NFX1: variants seen among roughly 807,000 people sequenced by gnomAD.
NFX1 encodes the protein transcriptional repressor NF-X1.
In NFX1, 69 loss-of-function variants were observed where a neutral mutation model predicts 137.2. The observed-to-expected ratio is 0.50, with a 90% CI of 0.41 to 0.61. NFX1 has a LOEUF of 0.61. Ranked by LOEUF, NFX1 falls within the 20% of genes least tolerant of loss-of-function variation. The pLI is 0.00. For missense variants in NFX1, 1,167 were observed against 1,391.0 expected (o/e 0.84, Z 2.56); for synonymous variants, 495 against 474.1 (o/e 1.04, Z -0.57).
rs1419780939 is a variant in NFX1, at chr9:33,342,815, C to T, written c.2185C>T (p.Pro729Ser). The T allele has an allele frequency of 6.2e-7, 1 of 1,613,662 alleles. No homozygotes were observed. Among genetic ancestry groups the T allele is most frequent in the East Asian group, 2.2e-5 (1 of 44,874 alleles). Residue 729 changes from proline (P) to serine (S), a missense_variant, in exon 13 of 24, where the codon CCT becomes TCT. Physicochemically the swap from Pro to Ser is moderately conservative, Grantham distance 74. Coordinates refer to ENST00000379540, the MANE Select transcript of NFX1 (RefSeq NM_002504.6). ...TTGTGGCCTTCATAGGTGTGAAGAACCTTGTCATCGTGGAAACTGCCAGAC... is the reference window on the plus strand; with the variant it reads ...TTGTGGCCTTCATAGGTGTGAAGAATCTTGTCATCGTGGAAACTGCCAGAC... Reference protein sequence around the residue: ...LRCGLHRCEEPCHRGNCQTCW... With the variant: ...LRCGLHRCEESCHRGNCQTCW...
chr9:33,303,721 C>T (rs935202783), intron 4 of NFX1, among the ~76,000 whole-genome samples: 1 of 152,206 alleles, frequency 6.6e-6, no homozygotes, highest in East Asian at 1.9e-4. Context: ...CATCTTCCCT[C>T]TTTATGGAAT....
rs769195607 is a variant in NFX1 at position 33,342,808 on chromosome 9, T to C, written c.2178T>C (p.Cys726=). ...GRKLRCGLHR[C]EEPCHRGNCQ... The stretch of plus-strand genomic sequence containing the variant: ...AACTCCGTTGTGGCCTTCATAGGTG[T>C]GAAGAACCTTGTCATCGTGGAAACT... Residue 726 remains cysteine (C), a synonymous_variant, in exon 13 of 24, where the codon TGT becomes TGC. Coordinates refer to ENST00000379540, the MANE Select transcript of NFX1 (RefSeq NM_002504.6). 1 of 1,613,854 alleles carries C rather than the reference T, an allele frequency of 6.2e-7. No individual in the cohort carries two copies. Among genetic ancestry groups the C allele is most frequent in the South Asian group, 1.1e-5 (1 of 90,946 alleles).
Position 33,295,336 on chromosome 9 carries a change from A to G in NFX1, c.942A>G (p.Lys314=). The G allele has an allele frequency of 6.2e-7, 1 of 1,614,178 alleles. No homozygotes were observed. The highest frequency in any genetic ancestry group is 8.5e-7 in the Non-Finnish European group (1 of 1,180,036). The change falls in exon 2 of 24, where the codon AAA becomes AAG. Residue 314 remains lysine, a synonymous_variant. Coordinates refer to ENST00000379540, the MANE Select transcript of NFX1 (RefSeq NM_002504.6). Reference sequence around the variant, plus strand: ...CTTCCAGGAGGGTTGACCAAGAGAAATGCACTGTACGGAGGCAGGATCCTC... The same window carrying G: ...CTTCCAGGAGGGTTGACCAAGAGAAGTGCACTGTACGGAGGCAGGATCCTC... ...NKSSRRVDQE[K]CTVRRQDPQV...
intron 11 of NFX1, among the ~76,000 whole-genome samples, chr9:33,338,062 GA>G (rs1459846204): frequency 7.1e-6 from 1 of 141,044 alleles, no homozygotes; most frequent in Non-Finnish European, 1.6e-5. Context: ...AAAAAAAAAA[GA>G]AAGCAAAAAG....
intron 5 of NFX1, among the ~76,000 whole-genome samples, chr9:33,309,226 G>A (rs1371276465): frequency 6.6e-6 from 1 of 151,910 alleles, no homozygotes; most frequent in East Asian, 1.9e-4. Flanking sequence ...GTGTGGTGGT[G>A]GGCACCTGTA....
intron 6 of NFX1, among the ~76,000 whole-genome samples, chr9:33,311,920 G>A (rs1468994080): frequency 6.6e-6 from 1 of 152,140 alleles, no homozygotes; most frequent in Non-Finnish European, 1.5e-5. Flanking sequence ...GCCTAAGGAG[G>A]CTGGGACCAG....
chr9:33,299,230 CA>C (rs1057160864), intron 2 of NFX1, among the ~76,000 whole-genome samples: 1 of 152,158 alleles, frequency 6.6e-6, no homozygotes, highest in African/African-American at 2.4e-5. Flanking sequence ...ATTCAGATTT[CA>C]CCAGTTTTTC....
rs79679085 is a variant in NFX1 at position 33,347,485 on chromosome 9, T to A, written c.2424+368T>A. ...TACTTTAAAATACCAAATTTTTTTT[T>A]AATAACCTCCTTATTCCTGCAAGAA... On this transcript the variant is annotated intron_variant, in intron 15 of 23. Coordinates refer to ENST00000379540, the MANE Select transcript of NFX1 (RefSeq NM_002504.6). Among the ~76,000 whole-genome samples, 487 of 152,310 alleles carry A rather than the reference T, an allele frequency of 3.2e-3. 9 individuals are homozygous for A. In the East Asian group the frequency reaches 0.038, roughly 12 times the overall value.
At chr9:33,292,325 A>G (rs954553382) in intron 1 of NFX1, among the ~76,000 whole-genome samples, 9 of 152,136 alleles carry the variant, frequency 5.9e-5, no homozygotes, top group Admixed American at 5.9e-4. Flanking sequence ...CTCATCATCA[A>G]AGTCTTTAAA....
chr9:33,359,823 A>G (rs1313939823), intron 19 of NFX1, among the ~76,000 whole-genome samples: 1 of 152,240 alleles, frequency 6.6e-6, no homozygotes, highest in Non-Finnish European at 1.5e-5. Context: ...GGTGAAGGTT[A>G]TATAGAAGTT....
intron 1 of NFX1, among the ~76,000 whole-genome samples, 168 bp downstream of exon 1, chr9:33,290,765 G>A (rs937178111): frequency 1.3e-5 from 2 of 152,256 alleles, no homozygotes; most frequent in African/African-American, 4.8e-5. Context: ...ACGAAGATCT[G>A]TGTCTTCTTG....
At chr9:33,339,507 G>T (rs1823139585) in intron 12 of NFX1, among the ~76,000 whole-genome samples, 1 of 152,036 alleles carries the variant, frequency 6.6e-6, no homozygotes, top group Non-Finnish European at 1.5e-5. Context: ...ATTTGGGTGG[G>T]GACACAGCCA....
At chr9:33,322,165 C>T (rs1587839916) in intron 9 of NFX1, among the ~76,000 whole-genome samples, 1 of 150,006 alleles carries the variant, frequency 6.7e-6, no homozygotes, top group Non-Finnish European at 1.5e-5. Flanking sequence ...CATGCCACTG[C>T]ACTCCAGCCT....
chr9:33,355,936 C>T (rs971054933), intron 19 of NFX1, among the ~76,000 whole-genome samples: 1 of 152,156 alleles, frequency 6.6e-6, no homozygotes, highest in Non-Finnish European at 1.5e-5. Flanking sequence ...TGAGCCACCA[C>T]GCCCAGCCCA....
intron 2 of NFX1, among the ~76,000 whole-genome samples, chr9:33,295,708 G>A (rs1326687297): frequency 7.2e-5 from 11 of 152,164 alleles, no homozygotes; most frequent in Admixed American, 7.2e-4. Flanking sequence ...TGCAAATACG[G>A]GTGGTGTAGA....
Position 33,369,844 on chromosome 9 carries a change from G to A in NFX1, c.3291-62G>A, listed in dbSNP as rs924252617. 7 of 1,162,898 alleles carry A rather than the reference G, an allele frequency of 6.0e-6. No individual in the cohort carries two copies. In the African/African-American group the frequency reaches 7.6e-5, roughly 13 times the overall value. The allele number at this position is 1,162,898 out of a possible 1,614,324, so 72.0% of individuals were successfully genotyped here. ...TAAATCAGCTGATCCTTAACTTTCT[G>A]AAGTCCTGTATCTGTTTCCCCCAAA... On this transcript the variant is annotated intron_variant, in intron 23 of 23. Coordinates refer to ENST00000379540, the MANE Select transcript of NFX1 (RefSeq NM_002504.6).
intron 15 of NFX1, among the ~76,000 whole-genome samples, chr9:33,350,022 G>C (rs1157111420): frequency 6.6e-6 from 1 of 151,972 alleles, no homozygotes; most frequent in Admixed American, 6.6e-5. Flanking sequence ...AAACAAAACA[G>C]GCCAGGCGTG....
chr9:33,290,547 G>A lies in NFX1; in HGVS notation c.-26G>A. The A allele has an allele frequency of 6.2e-7, 1 of 1,613,920 alleles. No individual in the cohort carries two copies. The highest frequency in any genetic ancestry group is 8.5e-7 in the Non-Finnish European group (1 of 1,179,952). ...GTGACAGTGCTGACTTGGCTGTACAGCTCGATCTAGGTTCTGCGGCACGGG... is the reference window on the plus strand; with the variant it reads ...GTGACAGTGCTGACTTGGCTGTACAACTCGATCTAGGTTCTGCGGCACGGG... On this transcript the variant is annotated 5_prime_UTR_variant, in exon 1 of 24. Coordinates refer to ENST00000379540, the MANE Select transcript of NFX1 (RefSeq NM_002504.6).
chr9:33,369,963 T>G lies in NFX1; in HGVS notation c.3348T>G (p.Phe1116Leu). ...CCAAGGAGCCAATAATTGACTATTT[T>G]GACGTCCAGGACTAAGAAGATCATG... ...KITKEPIIDY[F>L]DVQD Residue 1116 changes from phenylalanine (F) to leucine (L), a missense_variant, in exon 24 of 24, where the codon TTT (phenylalanine) becomes TTG (leucine). Phe to Leu is a conservative substitution (Grantham distance 22). This residue lies in a region of NFX1 where 312 missense variants were observed against 312.8 expected (regional missense o/e 1.00). Transcript: ENST00000379540. 6.2e-7 allele frequency: 1 copy of G among 1,612,960 alleles called. No homozygotes were observed. The highest frequency in any genetic ancestry group is 8.5e-7 in the Non-Finnish European group (1 of 1,179,018).
Sources: gnomAD v4.1 joint callset for allele counts (sites outside exome capture counted in the v4.1 genomes callset) on GRCh38, gnomAD v4.1.1 for gene constraint, gnomAD v4.1.1 regional missense constraint, MANE v1.5 for transcripts, NCBI Gene and HGNC (gene_info 2026-07-23, HGNC 2026-07-21) for gene names.